The following KIF11 variants were observed in gnomAD, a reference collection of about 807,000 sequenced individuals.
The protein encoded by KIF11 is kinesin family member 11.
Under a neutral mutation model 121.0 loss-of-function variants are expected in KIF11, and 9 were observed. The observed-to-expected ratio is 0.07, with a 90% CI of 0.04 to 0.13. KIF11 has a LOEUF of 0.13. KIF11 is among the 10% of genes least tolerant of loss of function. The pLI is 1.00. For missense variants in KIF11, 846 were observed against 1,217.5 expected, an observed-to-expected ratio of 0.69 and a Z score of 4.54; for synonymous variants, 408 against 421.0, an observed-to-expected ratio of 0.97 and a Z score of 0.38.
intron 10 of KIF11, among the ~76,000 whole-genome samples, chr10:92,622,325 A>T (rs1281168176): frequency 1.3e-5 from 2 of 151,644 alleles, no homozygotes; most frequent in Admixed American, 1.3e-4. Context: ...CGCGATAAAT[A>T]AAAAATAGGC....
chr10:92,653,408 A>C (rs1007175729), intron 21 of KIF11, among the ~76,000 whole-genome samples: 2 of 152,216 alleles, frequency 1.3e-5, no homozygotes, highest in Admixed American at 1.3e-4. Context: ...CCTGGAGTAA[A>C]ATCTATAACT....
chr10:92,639,934 G>T, intron 17 of KIF11, 34 bp downstream of exon 17: 1 of 1,122,086 alleles, frequency 8.9e-7, no homozygotes, highest in Middle Eastern at 2.1e-4. Flanking sequence ...AAACTTTTCT[G>T]TAAGTCTGAA....
intron 10 of KIF11, among the ~76,000 whole-genome samples, chr10:92,627,524 A>G (rs1469698274): frequency 1.3e-5 from 2 of 151,988 alleles, no homozygotes; most frequent in African/African-American, 4.8e-5. Context: ...TATTTTATAG[A>G]TCTATTCCTT....
chr10:92,634,940 G>A (rs1289246627), intron 14 of KIF11, among the ~76,000 whole-genome samples: 1 of 152,334 alleles, frequency 6.6e-6, no homozygotes, highest in Non-Finnish European at 1.5e-5. Context: ...GGTTAGATCT[G>A]TGTGGCCCCT....
Position 92,649,839 on chromosome 10 carries a change from G to T in KIF11, c.2775G>T (p.Thr925=). Residue 925 remains threonine (T), a synonymous_variant, in exon 20 of 22, where the codon ACG becomes ACT. Transcript: ENST00000260731. ...CTTATCTAATGTCCGTTAAAGGTAC[G>T]ACACCACAGAGGAAAAGTTATTTAT... The part of the protein sequence containing the change: ...QDLKLDIPTG[T]TPQRKSYLYP... 1 of 1,601,936 alleles carries T rather than the reference G, an allele frequency of 6.2e-7. No individual in the cohort carries two copies. Among genetic ancestry groups the T allele is most frequent in the Non-Finnish European group, 8.5e-7 (1 of 1,171,262 alleles).
At chr10:92,612,899 A>G in intron 6 of KIF11, 141 bp from the exon 7 acceptor site, 1 of 560,888 alleles carries the variant, frequency 1.8e-6, no homozygotes, top group Admixed American at 3.2e-5. Context: ...CTATCTTCCA[A>G]AATATTCTTG....
chr10:92,651,529 TTTTTTTTTTTTTTTTTTTTA>T (rs1844983116), intron 21 of KIF11, among the ~76,000 whole-genome samples: 1 of 120,448 alleles, frequency 8.3e-6, no homozygotes. Context: ...TTTTTTTTTT[TTTTTTTTTTTTTTTTTTTTA>T]GTAGAGGGGG....
At position 92,632,647 on chromosome 10, in the gene KIF11, C is replaced by T. The variant is rs374640153; in HGVS notation, c.1656C>T (p.Gly552=). Residue 552 remains glycine, a synonymous_variant, in exon 13 of 22, where the codon GGC becomes GGT. Coordinates refer to ENST00000260731, the MANE Select transcript of KIF11 (RefSeq NM_004523.4). ...FNNMEELIKD[G]SSKQKAMLEV... is the part of the protein sequence containing the mutation. The stretch of plus-strand genomic sequence containing the variant: ...ATATGGAAGAATTAATTAAGGATGG[C>T]AGCTCAAAGCAAAAGGCCATGCTAG... 5 of 1,612,530 alleles carry T rather than the reference C, an allele frequency of 3.1e-6. No homozygotes were observed. The African/African-American group carries it at 6.7e-5, about 22-fold the overall frequency.
At chr10:92,608,218 C>T (rs1844451787) in intron 4 of KIF11, among the ~76,000 whole-genome samples, 1 of 150,232 alleles carries the variant, frequency 6.7e-6, no homozygotes, top group Non-Finnish European at 1.5e-5. Flanking sequence ...CTTCAGGAGT[C>T]CTCCCACTTC....
Position 92,610,596 on chromosome 10 carries a change from C to A in KIF11, c.698+1087C>A, listed in dbSNP as rs1486424534. On this transcript the variant is annotated intron_variant, in intron 6 of 21. Coordinates refer to ENST00000260731, the MANE Select transcript of KIF11 (RefSeq NM_004523.4). Reference sequence around the variant, plus strand: ...ATGTAATAGAAAAAGCAATGGATTGCAATTAGATATTTGCGTGTAGTCTCA... The same window carrying A: ...ATGTAATAGAAAAAGCAATGGATTGAAATTAGATATTTGCGTGTAGTCTCA... 3.9e-5 allele frequency among the ~76,000 whole-genome samples: 6 copies of A among 152,056 alleles called. No individual in the cohort carries two copies. In the East Asian group the frequency reaches 1.2e-3, roughly 29 times the overall value.
chr10:92,598,945 T>G (rs1327154440), intron 1 of KIF11, among the ~76,000 whole-genome samples: 1 of 152,094 alleles, frequency 6.6e-6, no homozygotes, highest in Non-Finnish European at 1.5e-5. Context: ...GACCAGCTAA[T>G]TTTTGTATTT....
At chr10:92,628,999 T>A in intron 11 of KIF11, 104 bp downstream of exon 11, 1 of 615,130 alleles carries the variant, frequency 1.6e-6, no homozygotes, top group South Asian at 2.0e-5. Flanking sequence ...TTTTTTTTTT[T>A]AGACGGAGTC....
intron 10 of KIF11, among the ~76,000 whole-genome samples, chr10:92,621,875 A>G (rs1844620938): frequency 6.6e-6 from 1 of 152,212 alleles, no homozygotes; most frequent in South Asian, 2.1e-4. Flanking sequence ...ATCTTTTACT[A>G]ACTTTTAATT....
Position 92,653,661 on chromosome 10 carries a change from A to C in KIF11, c.3040-4A>C. The C allele has an allele frequency of 1.2e-6, 2 of 1,609,654 alleles. No homozygotes were observed. The highest frequency in any genetic ancestry group is 2.2e-5 in the South Asian group (2 of 90,586). The stretch of plus-strand genomic sequence containing the variant: ...GACTTAATTTTCCCGCCTTAAATCC[A>C]CAGCATAAAAAATCACATGGAAAAG... On this transcript the variant is annotated splice_polypyrimidine_tract_variant and splice_region_variant and intron_variant, in intron 21 of 21. Transcript: ENST00000260731.
rs1341992803 is a variant in KIF11 at position 92,630,775 on chromosome 10, A to G, written c.1494+411A>G. Among the ~76,000 whole-genome samples, 7 of 151,494 alleles carry G rather than the reference A, an allele frequency of 4.6e-5. No individual in the cohort carries two copies. In the East Asian group the frequency reaches 1.2e-3, roughly 25 times the overall value. Reference sequence around the variant, plus strand: ...CAGCTACTCGGGAAGGCTGAGGTGGAAGAATCACTTGAACCCGGGAGGCAG... The same window carrying G: ...CAGCTACTCGGGAAGGCTGAGGTGGGAGAATCACTTGAACCCGGGAGGCAG... On this transcript the variant is annotated intron_variant, in intron 12 of 21. Coordinates refer to ENST00000260731, the MANE Select transcript of KIF11 (RefSeq NM_004523.4).
intron 17 of KIF11, among the ~76,000 whole-genome samples, chr10:92,641,343 A>AGAACTTCTT (rs11282830): frequency 0.28 from 42,506 of 151,866 alleles, 8,247 homozygotes; most frequent in African/African-American, 0.55. Flanking sequence ...TTTGGTGGGA[A>AGAACTTCTT]GTAGTCTTTA....
At chr10:92,634,052 C>T (rs560343755) in intron 14 of KIF11, among the ~76,000 whole-genome samples, 5 of 152,158 alleles carry the variant, frequency 3.3e-5, no homozygotes, top group Admixed American at 1.3e-4. Context: ...GGCGTGATCT[C>T]GGCTCACTGC....
chr10:92,651,522 T>G (rs1424006145), intron 21 of KIF11, among the ~76,000 whole-genome samples: 1 of 76,830 alleles, frequency 1.3e-5, no homozygotes, highest in African/African-American at 9.0e-5. Flanking sequence ...TTTTTTTTTT[T>G]TTTTTTTTTT....
intron 1 of KIF11, among the ~76,000 whole-genome samples, chr10:92,603,219 C>T (rs1844392656): frequency 6.6e-6 from 1 of 151,298 alleles, no homozygotes; most frequent in Non-Finnish European, 1.5e-5. Context: ...CTATCTTCCA[C>T]CCTCAACACT....
Sources: allele counts gnomAD v4.1 joint callset (sites outside exome capture counted in the v4.1 genomes callset), GRCh38; gene constraint gnomAD v4.1.1; transcripts MANE v1.5; gene names NCBI Gene and HGNC (gene_info 2026-07-23, HGNC 2026-07-21).